Variants in BLNK observed in about 807,000 individuals in gnomAD.
The protein encoded by BLNK is B cell linker, also known as B-cell linker protein.
Under a neutral mutation model 73.5 loss-of-function variants are expected in BLNK, and 29 were observed. The observed-to-expected ratio is 0.39, with a 90% CI of 0.29 to 0.54. BLNK has a LOEUF of 0.54. Among genes scored for constraint, BLNK ranks in the 20% least tolerant of loss-of-function variants. The probability of loss-of-function intolerance (pLI) is 0.61; values close to 1 mark genes in which losing one functional copy is unlikely to be tolerated. For missense variants in BLNK, 460 were observed against 562.8 expected (o/e 0.82, Z 1.85); for synonymous variants, 176 against 200.8 (o/e 0.88, Z 1.04).
intron 1 of BLNK, among the ~76,000 whole-genome samples, chr10:96,254,700 G>A (rs993828273): frequency 2.0e-5 from 3 of 151,828 alleles, no homozygotes; most frequent in Non-Finnish European, 2.9e-5. Flanking sequence ...TAGTAGAGAC[G>A]GGGTTTCACC....
intron 4 of BLNK, among the ~76,000 whole-genome samples, chr10:96,228,914 A>G (rs1360081427): frequency 6.6e-6 from 1 of 151,320 alleles, no homozygotes; most frequent in Non-Finnish European, 1.5e-5. Flanking sequence ...ATATAGCAGG[A>G]TTTTTTTTCC....
chr10:96,206,150 G>C (rs951970908), intron 11 of BLNK, among the ~76,000 whole-genome samples: 2 of 152,282 alleles, frequency 1.3e-5, no homozygotes, highest in African/African-American at 2.4e-5. Context: ...GCTCAGAAAA[G>C]ATCCACTGTC....
intron 1 of BLNK, among the ~76,000 whole-genome samples, chr10:96,267,099 C>A (rs1554914463): frequency 6.6e-6 from 1 of 152,154 alleles, no homozygotes; most frequent in East Asian, 1.9e-4. Context: ...AGAAATATTT[C>A]CTGAGAGTCC....
chr10:96,245,315 C>G (rs1843004805), intron 2 of BLNK, among the ~76,000 whole-genome samples: 1 of 151,958 alleles, frequency 6.6e-6, no homozygotes, highest in Non-Finnish European at 1.5e-5. Flanking sequence ...TTTTTTGGTC[C>G]AAAATTTGGG....
intron 1 of BLNK, among the ~76,000 whole-genome samples, chr10:96,259,387 G>C (rs1471613442): frequency 6.6e-6 from 1 of 152,168 alleles, no homozygotes; most frequent in Non-Finnish European, 1.5e-5. Flanking sequence ...GGGAAGGAGA[G>C]GGGGTAAGGC....
intron 3 of BLNK, among the ~76,000 whole-genome samples, chr10:96,236,590 G>T (rs1278666471): frequency 6.6e-6 from 1 of 152,184 alleles, no homozygotes; most frequent in Non-Finnish European, 1.5e-5. Flanking sequence ...GGGAGGCCAG[G>T]GCAGGAGGAT....
chr10:96,262,377 C>T (rs141013748), intron 1 of BLNK, among the ~76,000 whole-genome samples: 109 of 152,168 alleles, frequency 7.2e-4, no homozygotes, highest in African/African-American at 1.8e-3. Flanking sequence ...TCTTACTCTC[C>T]GGTATACAGA....
chr10:96,244,373 A>C (rs1247254731), intron 2 of BLNK, among the ~76,000 whole-genome samples: 1 of 152,222 alleles, frequency 6.6e-6, no homozygotes, highest in Non-Finnish European at 1.5e-5. Flanking sequence ...AGGGTATTTT[A>C]CTACCCCCAA....
At chr10:96,240,902 A>G (rs1240793560) in intron 3 of BLNK, among the ~76,000 whole-genome samples, 2 of 152,184 alleles carry the variant, frequency 1.3e-5, no homozygotes, top group Non-Finnish European at 2.9e-5. Flanking sequence ...TAGAACTTGG[A>G]AGGAAGAATG....
chr10:96,247,271 C>T (rs1285103243), intron 1 of BLNK, among the ~76,000 whole-genome samples: 1 of 152,172 alleles, frequency 6.6e-6, no homozygotes, highest in African/African-American at 2.4e-5. Flanking sequence ...GCTGTGTCCC[C>T]TTCCGTTGGG....
chr10:96,236,024 C>T (rs1554905022), intron 3 of BLNK, among the ~76,000 whole-genome samples: 1 of 151,972 alleles, frequency 6.6e-6, no homozygotes, highest in African/African-American at 2.4e-5. Context: ...TGATCCAGAC[C>T]AGGGGGTCTG....
At chr10:96,192,159 C>T (rs2083342646) in intron 16 of BLNK, 67 bp from the exon 17 acceptor site, 5 of 1,587,480 alleles carry the variant, frequency 3.1e-6, no homozygotes, top group Admixed American at 1.7e-5. Context: ...CCACTCCTCC[C>T]ATCTTCTCTC....
Position 96,271,413 on chromosome 10 carries a change from G to A in BLNK, c.-15C>T. ...AGCTTGTCCATTCTGTTTGGTAATT[G>A]TAAGAGACACGAATAACTGTCCAGT... On this transcript the variant is annotated 5_prime_UTR_variant, in exon 1 of 17. Coordinates refer to ENST00000224337, the MANE Select transcript of BLNK (RefSeq NM_013314.4). 2 of 1,613,988 alleles carry A rather than the reference G, an allele frequency of 1.2e-6. No homozygotes were observed. Among genetic ancestry groups the A allele is most frequent in the South Asian group, 1.1e-5 (1 of 91,086 alleles).
intron 6 of BLNK, among the ~76,000 whole-genome samples, chr10:96,222,684 G>A (rs1167979778): frequency 6.6e-6 from 1 of 152,170 alleles, no homozygotes; most frequent in Non-Finnish European, 1.5e-5. Flanking sequence ...AAAGGGAAGT[G>A]AGGGATTAGC....
intron 1 of BLNK, among the ~76,000 whole-genome samples, chr10:96,259,899 C>G (rs1245961173): frequency 1.3e-5 from 2 of 151,914 alleles, no homozygotes; most frequent in Non-Finnish European, 2.9e-5. Flanking sequence ...ATCAGGCACA[C>G]CACCCTGAGA....
chr10:96,269,225 T>A lies in BLNK; in HGVS notation c.47+2127A>T, dbSNP rs540981863. Among the ~76,000 whole-genome samples, 150 of 152,340 alleles carry A rather than the reference T, an allele frequency of 9.8e-4. 1 individual carries two copies. The highest frequency in any genetic ancestry group is 3.4e-3 in the African/African-American group (142 of 41,588). ...GTGTAGTGTATGATTATCCATGGTA[T>A]AATTTTGGTTTTCTATCCCATAATC... On this transcript the variant is annotated intron_variant, in intron 1 of 16. Transcript: ENST00000224337.
chr10:96,228,070 A>C (rs1842345029), intron 4 of BLNK, among the ~76,000 whole-genome samples: 1 of 147,162 alleles, frequency 6.8e-6, no homozygotes. Context: ...CTTCAAATGG[A>C]CTCAGGGTTT....
intron 1 of BLNK, among the ~76,000 whole-genome samples, chr10:96,270,613 T>TAAA (rs35550791): frequency 0.026 from 3,272 of 127,632 alleles, 91 homozygotes; most frequent in African/African-American, 0.073. Context: ...AAAAGTATAA[T>TAAA]AAAAAAAAAA....
intron 10 of BLNK, among the ~76,000 whole-genome samples, chr10:96,207,534 G>A (rs1460916827): frequency 1.3e-5 from 2 of 152,256 alleles, no homozygotes; most frequent in East Asian, 1.9e-4. Flanking sequence ...GCCTATGTGT[G>A]CCTGATACAC....
Sources: gnomAD v4.1 joint callset for allele counts (sites outside exome capture counted in the v4.1 genomes callset) on GRCh38, gnomAD v4.1.1 for gene constraint, MANE v1.5 for transcripts, NCBI Gene and HGNC (gene_info 2026-07-23, HGNC 2026-07-21) for gene names.